The following PPP1R42 variants were observed in gnomAD, a reference collection of about 807,000 sequenced individuals.
PPP1R42 encodes protein phosphatase 1 regulatory subunit 42, also known as leucine rich repeat containing 67.
In PPP1R42, 34 loss-of-function variants were observed where a neutral mutation model predicts 31.0. That is an observed-to-expected ratio of 1.10 (90% CI 0.83 to 1.46). The LOEUF (loss-of-function observed/expected upper bound fraction) is 1.46, where lower values mean the gene tolerates loss of function less well. Ranked by LOEUF, PPP1R42 falls within the 40% of genes most tolerant of loss-of-function variation. The pLI is 0.00. For synonymous variants in PPP1R42, 103 were observed against 109.8 expected, an observed-to-expected ratio of 0.94 and a Z score of 0.39; for missense variants, 268 against 303.0, an observed-to-expected ratio of 0.88 and a Z score of 0.86.
chr8:66,995,229 G>T (rs1815302247), intron 5 of PPP1R42, among the ~76,000 whole-genome samples: 1 of 152,218 alleles, frequency 6.6e-6, no homozygotes, highest in South Asian at 2.1e-4. Context: ...ATATTCTGAT[G>T]CTAGGCTTCA....
chr8:67,001,230 T>C (rs1032235426), intron 5 of PPP1R42, among the ~76,000 whole-genome samples: 4 of 150,866 alleles, frequency 2.7e-5, no homozygotes, highest in African/African-American at 9.7e-5. Flanking sequence ...TGGATTTTTT[T>C]TTTTTTTTAA....
chr8:67,026,564 G>C (rs1421459326), intron 1 of PPP1R42, among the ~76,000 whole-genome samples: 4 of 152,108 alleles, frequency 2.6e-5, no homozygotes, highest in Non-Finnish European at 5.9e-5. Context: ...GGCAGGGTGT[G>C]TTGGCTCACA....
chr8:66,984,839 T>C (rs1814955476), intron 6 of PPP1R42: 1 of 1,594,536 alleles, frequency 6.3e-7, no homozygotes, highest in African/African-American at 1.3e-5. Flanking sequence ...AGCCTGACTT[T>C]TTCTAGTAGT....
At chr8:66,985,933 A>G (rs1814996104) in intron 6 of PPP1R42, 1 of 807,510 alleles carries the variant, frequency 1.2e-6, no homozygotes. Context: ...AGAGCTCAAG[A>G]GTCATCACCA....
At chr8:66,995,649 G>A (rs778732081) in intron 5 of PPP1R42, among the ~76,000 whole-genome samples, 1 of 152,100 alleles carries the variant, frequency 6.6e-6, no homozygotes, top group Admixed American at 6.5e-5. Flanking sequence ...AGTCTAATGA[G>A]GGATATGGTG....
At chr8:67,006,489 T>C (rs529421526) in intron 5 of PPP1R42, among the ~76,000 whole-genome samples, 22 of 152,170 alleles carry the variant, frequency 1.4e-4, no homozygotes, top group Non-Finnish European at 2.9e-4. Context: ...ACTGAGTACC[T>C]AAGTACAGGC....
At chr8:66,975,959 A>G (rs555714238) in intron 7 of PPP1R42, among the ~76,000 whole-genome samples, 9 of 152,198 alleles carry the variant, frequency 5.9e-5, no homozygotes, top group Non-Finnish European at 8.8e-5. Context: ...CCCAACCCCA[A>G]TGGTCCTGGT....
At chr8:67,026,231 G>A (rs959168430) in intron 1 of PPP1R42, among the ~76,000 whole-genome samples, 11 of 150,802 alleles carry the variant, frequency 7.3e-5, no homozygotes, top group South Asian at 2.1e-4. Flanking sequence ...CCAGCTACTC[G>A]GGAGGCTGAG....
rs1815085612 is a variant in PPP1R42, at chr8:66,988,256, T to C, written c.670+144A>G. 1.5e-5 allele frequency: 19 copies of C among 1,267,950 alleles called. No homozygotes were observed. The South Asian group carries it at 5.6e-4, about 37-fold the overall frequency. The allele number at this position is 1,267,950 out of a possible 1,614,324, so 78.5% of individuals were successfully genotyped here. A position where few individuals can be genotyped will look rare whatever the true frequency, so the allele number is the denominator to read the frequency against. On this transcript the variant is annotated intron_variant, in intron 6 of 7. Coordinates refer to ENST00000685739, the MANE Select transcript of PPP1R42 (RefSeq NM_001364910.1). ...TTTATTTGTCAATTTTAACTTTTGCTCTTATTCAAAATATTGAATTTAAAG... is the reference window on the plus strand; with the variant it reads ...TTTATTTGTCAATTTTAACTTTTGCCCTTATTCAAAATATTGAATTTAAAG...
chr8:66,964,831 T>A (rs1336211192), intron 7 of PPP1R42, among the ~76,000 whole-genome samples: 1 of 152,196 alleles, frequency 6.6e-6, no homozygotes, highest in Non-Finnish European at 1.5e-5. Flanking sequence ...TTCACCCAGC[T>A]CAGCAAGCTT....
At chr8:67,012,497 A>G (rs909086781) in intron 4 of PPP1R42, among the ~76,000 whole-genome samples, 1 of 152,192 alleles carries the variant, frequency 6.6e-6, no homozygotes, top group African/African-American at 2.4e-5. Flanking sequence ...GTAGAGCTGT[A>G]TGTAGTGCAA....
chr8:67,023,090 G>A (rs1244674875), intron 1 of PPP1R42, among the ~76,000 whole-genome samples: 1 of 130,422 alleles, frequency 7.7e-6, no homozygotes, highest in Middle Eastern at 3.2e-3. Flanking sequence ...TATATTTAAG[G>A]CCATGCATAA....
At chr8:67,008,435 C>T (rs1231436973) in intron 5 of PPP1R42, among the ~76,000 whole-genome samples, 1 of 152,062 alleles carries the variant, frequency 6.6e-6, no homozygotes, top group Non-Finnish European at 1.5e-5. Flanking sequence ...TGGGCCATGG[C>T]AGTGGCTCAT....
intron 5 of PPP1R42, among the ~76,000 whole-genome samples, chr8:66,989,372 C>T (rs16933138): frequency 0.12 from 18,738 of 152,076 alleles, 2,261 homozygotes; most frequent in African/African-American, 0.31. Flanking sequence ...AGTGTCACTC[C>T]TTCCTCAGTA....
chr8:67,003,407 T>A (rs1815569392), intron 5 of PPP1R42, among the ~76,000 whole-genome samples: 1 of 149,026 alleles, frequency 6.7e-6, no homozygotes, highest in Admixed American at 6.7e-5. Flanking sequence ...TTTTTTTTTT[T>A]TTTCCACAAG....
intron 7 of PPP1R42, among the ~76,000 whole-genome samples, chr8:66,964,972 A>T (rs559036233): frequency 7.2e-5 from 11 of 152,144 alleles, no homozygotes; most frequent in Non-Finnish European, 1.6e-4. Context: ...GCAACTACTG[A>T]TCTGTTTTCT....
At chr8:66,974,145 T>A (rs185680097) in intron 7 of PPP1R42, among the ~76,000 whole-genome samples, 1 of 152,198 alleles carries the variant, frequency 6.6e-6, no homozygotes, top group Non-Finnish European at 1.5e-5. Context: ...TATTTTTAAC[T>A]TTTTGAGGAA....
At chr8:66,973,462 C>T (rs1182494515) in intron 7 of PPP1R42, among the ~76,000 whole-genome samples, 5 of 152,082 alleles carry the variant, frequency 3.3e-5, no homozygotes, top group Non-Finnish European at 7.4e-5. Flanking sequence ...CGCCACCACA[C>T]CCAGCTAATT....
intron 5 of PPP1R42, among the ~76,000 whole-genome samples, chr8:67,005,091 G>A (rs1025318415): frequency 2.0e-5 from 3 of 147,738 alleles, no homozygotes; most frequent in African/African-American, 7.5e-5. Flanking sequence ...AGTCTTTCAT[G>A]AAATCCACCC....
Sources: allele counts gnomAD v4.1 joint callset (sites outside exome capture counted in the v4.1 genomes callset), GRCh38; gene constraint gnomAD v4.1.1; transcripts MANE v1.5; gene names NCBI Gene and HGNC (gene_info 2026-07-23, HGNC 2026-07-21).